The following JPH3 variants were observed in gnomAD, a reference collection of about 807,000 sequenced individuals.
JPH3 encodes junctophilin 3.
In JPH3, 11 loss-of-function variants were observed where a neutral mutation model predicts 59.6. That is an observed-to-expected ratio of 0.18 (90% CI 0.12 to 0.31). The LOEUF (loss-of-function observed/expected upper bound fraction) is 0.31. Among genes scored for constraint, JPH3 ranks in the 10% least tolerant of loss-of-function variants. The pLI, the probability that JPH3 is intolerant of heterozygous loss-of-function variation, is 1.00. For missense variants in JPH3, 1,202 were observed against 1,105.7 expected, an observed-to-expected ratio of 1.09 and a Z score of -1.24; for synonymous variants, 673 against 483.6, an observed-to-expected ratio of 1.39 and a Z score of -5.14.
chr16:87,696,773 A>G lies in JPH3; in HGVS notation c.*113A>G, dbSNP rs762513022. On this transcript the variant is annotated 3_prime_UTR_variant, in exon 5 of 5. Coordinates refer to ENST00000284262, the MANE Select transcript of JPH3 (RefSeq NM_020655.4). ...AACTCGGACAGCCCAGCGACTTCCA[A>G]GTCCTCTCACAGAAGAACCACACGA... 1.2e-6 allele frequency: 1 copy of G among 822,868 alleles called. No individual in the cohort carries two copies. Among genetic ancestry groups the G allele is most frequent in the Admixed American group, 2.0e-5 (1 of 49,678 alleles). The allele number at this position is 822,868 out of a possible 1,614,324, so 51.0% of individuals were successfully genotyped here. A position where few individuals can be genotyped will look rare whatever the true frequency, so the allele number is the denominator to read the frequency against.
intron 1 of JPH3, among the ~76,000 whole-genome samples, chr16:87,627,932 C>G (rs2031437510): frequency 6.6e-6 from 1 of 152,222 alleles, no homozygotes; most frequent in Non-Finnish European, 1.5e-5. Flanking sequence ...GTCTGCCAGG[C>G]CAGCCTGTGG....
chr16:87,645,017 C>A lies in JPH3; in HGVS notation c.1142C>A (p.Ala381Asp). 6.2e-7 allele frequency: 1 copy of A among 1,603,824 alleles called. No individual in the cohort carries two copies. Among genetic ancestry groups the A allele is most frequent in the Non-Finnish European group, 8.5e-7 (1 of 1,178,882 alleles). ...ERAATIAKQK[A>D]EIAASRTSHS... ...GCCGCCACCATCGCCAAGCAGAAGG[C>A]TGAGATCGCGGCTTCCAGGTAGGAG... The change falls in exon 2 of 5, where the codon GCT (alanine) becomes GAT (aspartate). Residue 381 changes from alanine (A) to aspartate (D), a missense_variant. Coordinates refer to ENST00000284262, the MANE Select transcript of JPH3 (RefSeq NM_020655.4).
intron 1 of JPH3, among the ~76,000 whole-genome samples, chr16:87,624,409 C>T (rs141375270): frequency 2.0e-5 from 3 of 152,264 alleles, no homozygotes; most frequent in Admixed American, 6.5e-5. Context: ...TGGAGTCATA[C>T]GCTGAGAGGC....
At chr16:87,638,139 C>T (rs1256442038) in intron 1 of JPH3, among the ~76,000 whole-genome samples, 1 of 152,114 alleles carries the variant, frequency 6.6e-6, no homozygotes, top group Non-Finnish European at 1.5e-5. Flanking sequence ...AGGCTGGTCT[C>T]GAACTCCTGA....
chr16:87,635,957 G>A (rs61069393), intron 1 of JPH3, among the ~76,000 whole-genome samples: 8,165 of 152,302 alleles, frequency 0.054, 753 homozygotes, highest in African/African-American at 0.19. Flanking sequence ...GGTGTCTTCC[G>A]GGGCCCCAGG....
chr16:87,691,072 C>G (rs569405166), intron 4 of JPH3, among the ~76,000 whole-genome samples: 87 of 144,136 alleles, frequency 6.0e-4, no homozygotes, highest in African/African-American at 2.2e-3. Flanking sequence ...AACTCACCGT[C>G]AGCCTCACCC....
intron 1 of JPH3, among the ~76,000 whole-genome samples, chr16:87,619,846 G>T (rs1368654828): frequency 1.3e-5 from 2 of 152,194 alleles, no homozygotes; most frequent in Non-Finnish European, 2.9e-5. Flanking sequence ...GCACGGATGG[G>T]GCGCAAGGAA....
At chr16:87,640,546 A>C (rs2031913448) in intron 1 of JPH3, among the ~76,000 whole-genome samples, 1 of 151,382 alleles carries the variant, frequency 6.6e-6, no homozygotes, top group Non-Finnish European at 1.5e-5. Flanking sequence ...ACCCATCACC[A>C]TGCCTAGCTA....
Position 87,652,686 on chromosome 16 carries a change from G to A in JPH3, c.1160+7651G>A, listed in dbSNP as rs888524821. ...GAGGCCAGGCAGGTGCGGAGCTTACGGAGGTGGCCACCTAGATGATGGTGC... is the reference window on the plus strand; with the variant it reads ...GAGGCCAGGCAGGTGCGGAGCTTACAGAGGTGGCCACCTAGATGATGGTGC... On this transcript the variant is annotated intron_variant, in intron 2 of 4. Coordinates refer to ENST00000284262, the MANE Select transcript of JPH3 (RefSeq NM_020655.4). Among the ~76,000 whole-genome samples, 5 of 152,346 alleles carry A rather than the reference G, an allele frequency of 3.3e-5. No homozygotes were observed. The East Asian group carries it at 5.8e-4, about 18-fold the overall frequency.
intron 1 of JPH3, among the ~76,000 whole-genome samples, chr16:87,643,389 T>TCCC (rs143116228): frequency 6.3e-4 from 95 of 150,602 alleles, no homozygotes; most frequent in African/African-American, 1.1e-3. Flanking sequence ...CACCCTCCCT[T>TCCC]CTTCTGGGGA....
chr16:87,697,093 A>G lies in JPH3; in HGVS notation c.*433A>G, dbSNP rs977844456. 6.8e-5 allele frequency: 18 copies of G among 265,174 alleles called. No individual in the cohort carries two copies. The highest frequency in any genetic ancestry group is 6.7e-4 in the South Asian group (15 of 22,486). 16.4% of individuals were successfully genotyped at this position (265,174 alleles called of 1,614,324 possible). ...GACTCCCGTCGACACGAGCTTAGAA[A>G]GTGGATTCACTGCTTTCTCTGTCTA... On this transcript the variant is annotated 3_prime_UTR_variant, in exon 5 of 5. Coordinates refer to ENST00000284262, the MANE Select transcript of JPH3 (RefSeq NM_020655.4).
At chr16:87,616,294 C>T (rs1024337905) in intron 1 of JPH3, among the ~76,000 whole-genome samples, 10 of 148,486 alleles carry the variant, frequency 6.7e-5, no homozygotes, top group Non-Finnish European at 1.2e-4. Context: ...AGAGCAGTGG[C>T]GCGATCTCAG....
At chr16:87,694,005 G>A (rs1567619023) in intron 4 of JPH3, 1 of 152,236 alleles carries the variant, frequency 6.6e-6, no homozygotes, top group African/African-American at 2.4e-5. Flanking sequence ...GGAGCCTCCC[G>A]AGGAAGCTGT....
At chr16:87,630,178 C>T (rs2031519537) in intron 1 of JPH3, among the ~76,000 whole-genome samples, 1 of 152,182 alleles carries the variant, frequency 6.6e-6, no homozygotes, top group South Asian at 2.1e-4. Flanking sequence ...CACTGGCCTT[C>T]CGAATCCCTT....
In JPH3 at chr16:87,696,861, T is replaced by C. The variant is rs2142857203; in HGVS notation, c.*201T>C. ...ATGTTTTTTGGATTTTAGCCAAAAT[T>C]CTTTGCTTGTATAACACTCTGCTGT... On this transcript the variant is annotated 3_prime_UTR_variant, in exon 5 of 5. Transcript: ENST00000284262. 3 of 585,446 alleles carry C rather than the reference T, an allele frequency of 5.1e-6. 1 individual carries two copies. The highest frequency in any genetic ancestry group is 5.9e-4 in the Middle Eastern group (2 of 3,418). 36.3% of individuals were successfully genotyped at this position (585,446 alleles called of 1,614,324 possible).
intron 2 of JPH3, among the ~76,000 whole-genome samples, chr16:87,675,541 C>A (rs988762285): frequency 5.9e-5 from 9 of 152,194 alleles, no homozygotes; most frequent in African/African-American, 2.2e-4. Flanking sequence ...AGGCTGCCGG[C>A]AGCCCGCAGT....
intron 1 of JPH3, among the ~76,000 whole-genome samples, chr16:87,635,322 C>G (rs1041747144): frequency 6.6e-6 from 1 of 152,112 alleles, no homozygotes; most frequent in Admixed American, 6.5e-5. Context: ...CCCCGGGCTC[C>G]GAAACTAAAG....
chr16:87,602,147 C>T (rs1597227223), upstream of JPH3: 1 of 151,672 alleles, frequency 6.6e-6, no homozygotes, highest in Admixed American at 6.6e-5. Context: ...CTGCAGGCCT[C>T]ACCGCCCAGC....
chr16:87,652,169 G>A (rs1368735207), intron 2 of JPH3, among the ~76,000 whole-genome samples: 1 of 152,134 alleles, frequency 6.6e-6, no homozygotes, highest in Non-Finnish European at 1.5e-5. Context: ...TAGAGATGGG[G>A]TTTCACCGTA....
Sources: allele counts gnomAD v4.1 joint callset (sites outside exome capture counted in the v4.1 genomes callset), GRCh38; gene constraint gnomAD v4.1.1; transcripts MANE v1.5; gene names NCBI Gene and HGNC (gene_info 2026-07-23, HGNC 2026-07-21).